Variants in RNPC3 observed in about 807,000 individuals in gnomAD.
RNPC3 encodes RNA binding region (RNP1, RRM) containing 3, also known as RNA-binding region-containing protein 3.
In RNPC3, 48 loss-of-function variants were observed where a neutral mutation model predicts 67.5. That is an observed-to-expected ratio of 0.71 (90% CI 0.56 to 0.90). RNPC3 has a LOEUF of 0.90. Ranked by LOEUF, RNPC3 falls within the 40% of genes least tolerant of loss-of-function variation. The pLI is 0.00. For synonymous variants in RNPC3, 239 were observed against 210.3 expected (o/e 1.14, Z -1.18); for missense variants, 637 against 626.1 (o/e 1.02, Z -0.19).
intron 2 of RNPC3, among the ~76,000 whole-genome samples, chr1:103,530,070 C>G (rs1374921967): frequency 8.0e-6 from 1 of 124,358 alleles, no homozygotes; most frequent in East Asian, 2.5e-4. Context: ...CCCCCCACCC[C>G]AGCCTGTGGA....
chr1:103,537,998 C>G (rs1470310829), intron 7 of RNPC3, among the ~76,000 whole-genome samples: 1 of 151,994 alleles, frequency 6.6e-6, no homozygotes, highest in African/African-American at 2.4e-5. Context: ...CATGTGCCAC[C>G]ATGCCTGGAT....
chr1:103,547,221 G>A (rs1005878094), intron 12 of RNPC3, among the ~76,000 whole-genome samples, 186 bp downstream of exon 12: 1 of 151,992 alleles, frequency 6.6e-6, no homozygotes, highest in Non-Finnish European at 1.5e-5. Context: ...TCTGTAAATG[G>A]GCAGATAGTA....
At position 103,536,184 on chromosome 1, in the gene RNPC3, G is replaced by C; in HGVS notation, c.614G>C (p.Arg205Pro). 6.5e-7 allele frequency: 1 copy of C among 1,534,996 alleles called. No homozygotes were observed. Among genetic ancestry groups the C allele is most frequent in the Non-Finnish European group, 8.7e-7 (1 of 1,145,104 alleles). ...ACACCTTTTGGACCAATTACTGCGC[G>C]ACCTCCCATGGTAAGAAAACTCTTA... ...LPTPFGPITA[R>P]PPMYEDYMPL... Residue 205 changes from arginine to proline, a missense_variant, in exon 6 of 15, where the codon CGA (arginine) becomes CCA (proline). Arg to Pro is a moderately radical substitution (Grantham distance 103). Around this residue, in one of 3 missense-constraint regions of RNPC3, gnomAD observed 536 missense variants for 500.3 expected, o/e 1.07. Coordinates refer to ENST00000423855, the MANE Select transcript of RNPC3 (RefSeq NM_017619.4).
intron 7 of RNPC3, among the ~76,000 whole-genome samples, chr1:103,539,952 T>C (rs1651084993): frequency 6.6e-6 from 1 of 152,064 alleles, no homozygotes; most frequent in African/African-American, 2.4e-5. Context: ...ATATTCAACC[T>C]CCCGGGCTCA....
intron 2 of RNPC3, among the ~76,000 whole-genome samples, chr1:103,528,069 CA>C (rs1650760232): frequency 6.6e-6 from 1 of 152,188 alleles, no homozygotes; most frequent in Non-Finnish European, 1.5e-5. Flanking sequence ...GGGAATCATT[CA>C]CAGGAGGTGA....
rs1651488122 is a variant in RNPC3 at position 103,554,604 on chromosome 1, AT to A, written c.*13-426del. 2.6e-5 allele frequency: 4 copies of A among 152,602 alleles called. No homozygotes were observed. The South Asian group carries it at 8.3e-4, about 32-fold the overall frequency. The allele number at this position is 152,602 out of a possible 1,614,324, so 9.5% of individuals were successfully genotyped here. A position where few individuals can be genotyped will look rare whatever the true frequency, so the allele number is the denominator to read the frequency against. On this transcript the variant is annotated intron_variant, in intron 14 of 14. Transcript: ENST00000423855. ...CAGATTTGAAAAGGTTTCTTTAGTA[AT>A]TTTAAGGACTGACCAGTTTAGACAC...
intron 12 of RNPC3, among the ~76,000 whole-genome samples, chr1:103,549,366 T>A (rs1457259525): frequency 6.6e-6 from 1 of 152,234 alleles, no homozygotes; most frequent in East Asian, 1.9e-4. Flanking sequence ...TAGATAGGTA[T>A]ACACAAATGG....
chr1:103,546,813 G>A, intron 11 of RNPC3, 164 bp from the exon 12 acceptor site: 1 of 515,690 alleles, frequency 1.9e-6, no homozygotes, highest in Non-Finnish European at 3.4e-6. Flanking sequence ...CCCTTTGTGA[G>A]TATCTGTCCA....
At chr1:103,544,851 T>C (rs1015307694) in intron 9 of RNPC3, 90 bp from the exon 10 acceptor site, 4 of 701,030 alleles carry the variant, frequency 5.7e-6, no homozygotes, top group African/African-American at 5.6e-5. Flanking sequence ...CCAGAAGATA[T>C]ATTATTGAAT....
intron 2 of RNPC3, among the ~76,000 whole-genome samples, chr1:103,529,238 A>G (rs1195107043): frequency 6.6e-6 from 1 of 152,232 alleles, no homozygotes; most frequent in Non-Finnish European, 1.5e-5. Flanking sequence ...ATTAATATGT[A>G]CTTTTATAAT....
rs1651265488 is a variant in RNPC3, at chr1:103,547,141, T to C, written c.1361+106T>C. ...TTTCCTTTTAGAGATAAAAATTATA[T>C]GAAAAAGTTCGTCTATTCTGTTGCA... On this transcript the variant is annotated intron_variant, in intron 12 of 14. Transcript: ENST00000423855. 4 of 678,496 alleles carry C rather than the reference T, an allele frequency of 5.9e-6. No homozygotes were observed. In the South Asian group the frequency reaches 9.9e-5, roughly 17 times the overall value. The allele number at this position is 678,496 out of a possible 1,614,324, so 42.0% of individuals were successfully genotyped here.
intron 4 of RNPC3, 44 bp downstream of exon 4, chr1:103,534,901 A>G: frequency 8.7e-7 from 1 of 1,152,576 alleles, no homozygotes; most frequent in Non-Finnish European, 1.2e-6. Context: ...GTTCTGTGTT[A>G]TATACAGATG....
intron 10 of RNPC3, 195 bp from the exon 11 acceptor site, chr1:103,546,053 A>G (rs530916410): frequency 2.8e-4 from 78 of 282,156 alleles, no homozygotes; most frequent in African/African-American, 1.6e-3. Context: ...TTTGTTACTA[A>G]TTTTATGTAA....
At chr1:103,546,600 A>T (rs1651250139) in intron 11 of RNPC3, 1 of 326,798 alleles carries the variant, frequency 3.1e-6, no homozygotes. Context: ...TGGCTGAAAC[A>T]ACAGAGATGT....
At chr1:103,540,693 G>T (rs1424003046) in intron 7 of RNPC3, among the ~76,000 whole-genome samples, 2 of 152,116 alleles carry the variant, frequency 1.3e-5, no homozygotes, top group Non-Finnish European at 2.9e-5. Context: ...GAGAAGTAGA[G>T]CTGGGACTAG....
At chr1:103,526,885 G>A (rs1475332735) in intron 1 of RNPC3, among the ~76,000 whole-genome samples, 1 of 152,170 alleles carries the variant, frequency 6.6e-6, no homozygotes, top group East Asian at 1.9e-4. Context: ...AATAGGAATA[G>A]CGATGGTGCA....
chr1:103,531,035 C>G (rs1401777880), intron 2 of RNPC3, among the ~76,000 whole-genome samples: 1 of 152,188 alleles, frequency 6.6e-6, no homozygotes, highest in East Asian at 1.9e-4. Context: ...TCCATTGTAT[C>G]ATTCTTATGC....
intron 2 of RNPC3, among the ~76,000 whole-genome samples, chr1:103,530,631 G>A (rs913452943): frequency 6.6e-6 from 1 of 152,120 alleles, no homozygotes; most frequent in African/African-American, 2.4e-5. Context: ...CAGTAAAATA[G>A]GGAGCCATTG....
rs1482283708 is a variant in RNPC3, at chr1:103,535,450, A to G, written c.555+9A>G. Reference sequence around the variant, plus strand: ...CTAAGTTCTATGTACAGGTAAGTAGAATAAAACTTTTCCTAAAAGGACTTG... The same window carrying G: ...CTAAGTTCTATGTACAGGTAAGTAGGATAAAACTTTTCCTAAAAGGACTTG... On this transcript the variant is annotated intron_variant, in intron 5 of 14. Coordinates refer to ENST00000423855, the MANE Select transcript of RNPC3 (RefSeq NM_017619.4). The G allele has an allele frequency of 3.3e-6, 5 of 1,495,590 alleles. No homozygotes were observed. Among genetic ancestry groups the G allele is most frequent in the Non-Finnish European group, 4.5e-6 (5 of 1,112,576 alleles). The allele number at this position is 1,495,590 out of a possible 1,614,324, so 92.6% of individuals were successfully genotyped here. A position where few individuals can be genotyped will look rare whatever the true frequency, so the allele number is the denominator to read the frequency against.
Sources: gnomAD v4.1 joint callset for allele counts (sites outside exome capture counted in the v4.1 genomes callset) on GRCh38, gnomAD v4.1.1 for gene constraint, gnomAD v4.1.1 regional missense constraint, MANE v1.5 for transcripts, NCBI Gene and HGNC (gene_info 2026-07-23, HGNC 2026-07-21) for gene names.